The following TENM2 variants were observed in gnomAD, a reference collection of about 807,000 sequenced individuals.
TENM2 encodes teneurin-2.
In TENM2, 52 loss-of-function variants were observed where a neutral mutation model predicts 245.2. The observed-to-expected ratio is 0.21, with a 90% confidence interval of 0.17 to 0.27. The LOEUF (loss-of-function observed/expected upper bound fraction) is 0.27. TENM2 is among the 10% of genes least tolerant of loss of function. The pLI, the probability that TENM2 is intolerant of heterozygous loss-of-function variation, is 1.00. For missense variants in TENM2, 3,046 were observed against 3,666.8 expected (o/e 0.83, Z 4.37); for synonymous variants, 1,363 against 1,438.9 (o/e 0.95, Z 1.19).
At chr5:167,629,114 T>G (rs1418290771) in intron 2 of TENM2, among the ~76,000 whole-genome samples, 2 of 152,224 alleles carry the variant, frequency 1.3e-5, no homozygotes, top group Non-Finnish European at 2.9e-5. Flanking sequence ...AAGTTGGGCT[T>G]AGAAATCCAA....
chr5:167,179,088 A>T, the TENM2 span, among the ~76,000 whole-genome samples: 2 of 151,950 alleles, frequency 1.3e-5, no homozygotes, highest in South Asian at 2.1e-4. Flanking sequence ...ATACTTTGTG[A>T]TTTTTTTTCT....
rs1562032154 is a variant in TENM2 at position 167,532,311 on chromosome 5, T to TATA, written c.502+156838_502+156839insATA. Among the ~76,000 whole-genome samples the TATA allele has an allele frequency of 7.9e-5, 12 of 151,932 alleles. No homozygotes were observed. In the South Asian group the frequency reaches 8.3e-4, roughly 11 times the overall value. ...ATGCTCTCTCTCTCTCTCTCTCTTT[T>TATA]TATATATATATGTATATAAAATTAG... On this transcript the variant is annotated intron_variant, in intron 2 of 28. Transcript: ENST00000518659.
intron 2 of TENM2, among the ~76,000 whole-genome samples, chr5:167,829,077 G>T (rs1768235288): frequency 6.6e-6 from 1 of 152,196 alleles, no homozygotes. Flanking sequence ...GGCAGGTCAG[G>T]AGCAGTGGAT....
intron 3 of TENM2, among the ~76,000 whole-genome samples, chr5:167,940,999 T>C (rs567048426): frequency 3.9e-5 from 6 of 152,358 alleles, no homozygotes; most frequent in Admixed American, 1.3e-4. Flanking sequence ...TGACTCCCTC[T>C]CTACATTATG....
At chr5:167,324,217 T>C (rs1756948108) in intron 1 of TENM2, among the ~76,000 whole-genome samples, 1 of 152,198 alleles carries the variant, frequency 6.6e-6, no homozygotes. Context: ...AAGGCCACCA[T>C]TGCTTTCATC....
intron 2 of TENM2, among the ~76,000 whole-genome samples, chr5:167,807,656 A>C (rs1766324493): frequency 6.6e-6 from 1 of 151,666 alleles, no homozygotes; most frequent in Admixed American, 6.6e-5. Context: ...GAACCTCTTA[A>C]AATATGACAT....
At chr5:167,101,849 T>TTATATATAATATA in the TENM2 span, among the ~76,000 whole-genome samples, 1 of 69,456 alleles carries the variant, frequency 1.4e-5, no homozygotes, top group Non-Finnish European at 2.6e-5. Flanking sequence ...ATATATATAT[T>TTATATATAATATA]TATATATATA....
intron 2 of TENM2, among the ~76,000 whole-genome samples, chr5:167,473,128 A>C (rs2127515285): frequency 6.6e-6 from 1 of 152,306 alleles, no homozygotes; most frequent in East Asian, 1.9e-4. Context: ...TTTTTCCACA[A>C]AAAGACTTTG....
chr5:167,455,205 T>C (rs1365705608), intron 2 of TENM2, among the ~76,000 whole-genome samples: 3 of 152,306 alleles, frequency 2.0e-5, no homozygotes, highest in African/African-American at 7.2e-5. Context: ...TTCCTTCTTA[T>C]ATGGAGTTTC....
intron 7 of TENM2, among the ~76,000 whole-genome samples, chr5:168,082,212 C>G: frequency 6.6e-6 from 1 of 152,154 alleles, no homozygotes; most frequent in Middle Eastern, 3.2e-3. Flanking sequence ...CTTTTTTCCA[C>G]TTGATCGAAT....
At chr5:167,227,246 C>CT in the TENM2 span, among the ~76,000 whole-genome samples, 1 of 151,722 alleles carries the variant, frequency 6.6e-6, no homozygotes, top group Non-Finnish European at 1.5e-5. Context: ...TTCATACATT[C>CT]TTTGTTCCTT....
chr5:167,642,708 T>G (rs1779693754), intron 2 of TENM2, among the ~76,000 whole-genome samples: 1 of 152,212 alleles, frequency 6.6e-6, no homozygotes, highest in African/African-American at 2.4e-5. Context: ...GGATTGGACA[T>G]ACAGAATTCT....
chr5:167,333,803 C>T (rs1237891741), intron 1 of TENM2, among the ~76,000 whole-genome samples: 1 of 152,132 alleles, frequency 6.6e-6, no homozygotes, highest in Non-Finnish European at 1.5e-5. Flanking sequence ...CTTAGAAAAT[C>T]AAAGAGATTT....
intron 1 of TENM2, among the ~76,000 whole-genome samples, chr5:167,346,890 C>A (rs915306466): frequency 6.6e-6 from 1 of 152,094 alleles, no homozygotes; most frequent in Non-Finnish European, 1.5e-5. Context: ...CCTTCCACTT[C>A]AAGCCCCAAG....
rs551408306 is a variant in TENM2, at chr5:167,970,621, T to A, written c.947+17799T>A. On this transcript the variant is annotated intron_variant, in intron 4 of 28. Coordinates refer to ENST00000518659, the Ensembl canonical transcript of TENM2. ...TTCAAGCTCCTAATATTCTCAGCAA[T>A]GCAGTATATTCTGTTTGTTGTGGTG... Among the ~76,000 whole-genome samples the A allele has an allele frequency of 3.9e-5, 6 of 152,326 alleles. No individual in the cohort carries two copies. In the East Asian group the frequency reaches 1.2e-3, roughly 29 times the overall value.
chr5:167,253,350 G>A, the TENM2 span, among the ~76,000 whole-genome samples: 4 of 149,796 alleles, frequency 2.7e-5, no homozygotes, highest in Admixed American at 6.7e-5. Flanking sequence ...CACCCACCTC[G>A]GCCTCCCAAA....
intron 2 of TENM2, among the ~76,000 whole-genome samples, chr5:167,460,711 A>G (rs1219176023): frequency 6.6e-6 from 1 of 152,288 alleles, no homozygotes; most frequent in Non-Finnish European, 1.5e-5. Flanking sequence ...TAAAACACCA[A>G]CAAAGACAAT....
chr5:167,737,168 C>T (rs143161027), intron 2 of TENM2, among the ~76,000 whole-genome samples: 9 of 152,134 alleles, frequency 5.9e-5, no homozygotes, highest in Non-Finnish European at 1.3e-4. Context: ...AGAGCCAGTA[C>T]GTCAAAGCGT....
At chr5:167,620,549 C>CTTTTTTTTTTTTTTT (rs11455974) in intron 2 of TENM2, among the ~76,000 whole-genome samples, 8 of 73,312 alleles carry the variant, frequency 1.1e-4, no homozygotes, top group Admixed American at 2.2e-4. Flanking sequence ...TGCTTTTTGG[C>CTTTTTTTTTTTTTTT]TTTTTTTTTT....
Sources: gnomAD v4.1 joint callset for allele counts (sites outside exome capture counted in the v4.1 genomes callset) on GRCh38, gnomAD v4.1.1 for gene constraint, MANE v1.5 for transcripts, NCBI Gene and HGNC (gene_info 2026-07-23, HGNC 2026-07-21) for gene names.